SLC30A8: variants seen among roughly 807,000 people sequenced by gnomAD.
SLC30A8 encodes the protein proton-coupled zinc antiporter SLC30A8.
SLC30A8 carries 27 observed loss-of-function variants against 36.9 expected under a neutral mutation model. The observed-to-expected ratio is 0.73, with a 90% CI of 0.54 to 1.01. The LOEUF is 1.01. Ranked by LOEUF, SLC30A8 falls within the 50% of genes least tolerant of loss-of-function variation. The pLI, the probability that SLC30A8 is intolerant of heterozygous loss-of-function variation, is 0.00. For missense variants in SLC30A8, 439 were observed against 452.0 expected (o/e 0.97, Z 0.26); for synonymous variants, 164 against 172.4 (o/e 0.95, Z 0.38).
intron 1 of SLC30A8, among the ~76,000 whole-genome samples, chr8:117,000,925 T>G (rs2130684857): frequency 6.6e-6 from 1 of 152,352 alleles, no homozygotes; most frequent in East Asian, 1.9e-4. Flanking sequence ...ATACCTAGTA[T>G]GTTAATGAGC....
At chr8:117,127,225 G>T (rs774767018) in intron 2 of SLC30A8, among the ~76,000 whole-genome samples, 5 of 123,262 alleles carry the variant, frequency 4.1e-5, no homozygotes, top group African/African-American at 8.5e-5. Context: ...GAAGTCTCAT[G>T]TGGAAGTTCT....
At chr8:117,120,851 T>C (rs1002694926) in intron 2 of SLC30A8, among the ~76,000 whole-genome samples, 2 of 151,680 alleles carry the variant, frequency 1.3e-5, no homozygotes, top group Admixed American at 6.6e-5. Context: ...CAAAAAAATA[T>C]ATTCAAAGGG....
chr8:116,970,814 G>A lies in SLC30A8; in HGVS notation c.-266+19695G>A, dbSNP rs558183759. Among the ~76,000 whole-genome samples the A allele has an allele frequency of 2.5e-4, 38 of 152,260 alleles. No individual in the cohort carries two copies. The South Asian group carries it at 7.9e-3, about 32-fold the overall frequency. The stretch of plus-strand genomic sequence containing the variant: ...TTACTGATTATATTATGAAAATAAG[G>A]CCGGGGGTGGTGGCTCACACCAATA... On this transcript the variant is annotated intron_variant, in intron 1 of 10. Transcript: ENST00000427715.
At chr8:117,021,905 G>A (rs983326917) in intron 1 of SLC30A8, among the ~76,000 whole-genome samples, 1 of 152,060 alleles carries the variant, frequency 6.6e-6, no homozygotes, top group East Asian at 1.9e-4. Flanking sequence ...AGAGTAATGG[G>A]GAAACATGAC....
intron 2 of SLC30A8, among the ~76,000 whole-genome samples, chr8:117,084,475 A>G (rs1344306339): frequency 6.6e-6 from 1 of 152,204 alleles, no homozygotes; most frequent in East Asian, 1.9e-4. Context: ...TGTTCCAGAA[A>G]GATGCAACCA....
intron 2 of SLC30A8, among the ~76,000 whole-genome samples, chr8:117,129,122 CA>C (rs1821030805): frequency 6.6e-6 from 1 of 151,928 alleles, no homozygotes; most frequent in Non-Finnish European, 1.5e-5. Flanking sequence ...ATCTACCCAG[CA>C]AGGAGTTTCA....
upstream of SLC30A8, among the ~76,000 whole-genome samples, chr8:117,134,526 C>T (rs549075275): frequency 8.6e-5 from 13 of 152,010 alleles, no homozygotes; most frequent in South Asian, 1.9e-3. Flanking sequence ...CTTCCTTCCT[C>T]GGAGCTGGAA....
At chr8:117,061,621 T>A (rs1402959741) in intron 2 of SLC30A8, among the ~76,000 whole-genome samples, 3 of 152,224 alleles carry the variant, frequency 2.0e-5, no homozygotes, top group Admixed American at 6.5e-5. Context: ...AATGACCTTC[T>A]TCTAGTTTGT....
At position 117,081,316 on chromosome 8, in the gene SLC30A8, T is replaced by C. The variant is rs3019889; in HGVS notation, c.-226+42058T>C. 0.013 allele frequency among the ~76,000 whole-genome samples: 2,018 copies of C among 152,230 alleles called. 107 individuals carry two copies. The East Asian group carries it at 0.18, about 13-fold the overall frequency. ...AGCTCTGGAGGTTGCAAGACCAAGATCAAAGCGTGGGCAGATTTGGTTTTT... is the reference window on the plus strand; with the variant it reads ...AGCTCTGGAGGTTGCAAGACCAAGACCAAAGCGTGGGCAGATTTGGTTTTT... On this transcript the variant is annotated intron_variant, in intron 2 of 10. Coordinates refer to the SLC30A8 transcript ENST00000427715.
intron 1 of SLC30A8, among the ~76,000 whole-genome samples, chr8:116,964,655 G>A (rs1364250582): frequency 1.3e-5 from 2 of 152,132 alleles, no homozygotes; most frequent in East Asian, 3.9e-4. Context: ...GTGCCAAAAT[G>A]AGCTCACACA....
At chr8:116,964,819 T>G (rs1814544419) in intron 1 of SLC30A8, among the ~76,000 whole-genome samples, 1 of 152,264 alleles carries the variant, frequency 6.6e-6, no homozygotes, top group Admixed American at 6.5e-5. Flanking sequence ...CCTGACTCAG[T>G]AAACACTTGG....
At chr8:117,086,158 C>T (rs375899827) in intron 2 of SLC30A8, among the ~76,000 whole-genome samples, 19 of 152,256 alleles carry the variant, frequency 1.2e-4, no homozygotes, top group South Asian at 6.2e-4. Flanking sequence ...TATTGACTGA[C>T]GACTACAGAA....
rs1157725123 is a variant in SLC30A8 at position 117,172,686 on chromosome 8, G to T, written c.*5G>T. 6.2e-7 allele frequency: 1 copy of T among 1,613,186 alleles called. No individual in the cohort carries two copies. Among genetic ancestry groups the T allele is most frequent in the African/African-American group, 1.3e-5 (1 of 74,862 alleles). Reference sequence around the variant, plus strand: ...TGTGAAGACCCCTGTGACTAGCTCAGTCACACCGTCAGTTTCCCAAATTTG... The same window carrying T: ...TGTGAAGACCCCTGTGACTAGCTCATTCACACCGTCAGTTTCCCAAATTTG... On this transcript the variant is annotated 3_prime_UTR_variant, in exon 8 of 8. Transcript: ENST00000456015.
chr8:117,034,566 A>G (rs1300698667), intron 1 of SLC30A8, among the ~76,000 whole-genome samples: 2 of 152,218 alleles, frequency 1.3e-5, no homozygotes, highest in South Asian at 4.1e-4. Flanking sequence ...CTTACCCAAC[A>G]TAGCACAACT....
intron 2 of SLC30A8, among the ~76,000 whole-genome samples, chr8:117,118,197 A>G (rs1242938958): frequency 1.3e-5 from 2 of 150,982 alleles, no homozygotes; most frequent in African/African-American, 4.9e-5. Context: ...AAAAAAACCA[A>G]AAAACAAAAA....
upstream of SLC30A8, among the ~76,000 whole-genome samples, chr8:117,131,852 C>T (rs1821151868): frequency 1.3e-5 from 2 of 151,880 alleles, no homozygotes; most frequent in Admixed American, 1.3e-4. Flanking sequence ...AAGATGGATT[C>T]GATTAATACT....
chr8:117,176,677 T>TA lies in SLC30A8; in HGVS notation c.*3998dup, dbSNP rs1823711894. On this transcript the variant is annotated 3_prime_UTR_variant, in exon 8 of 8. Transcript: ENST00000456015. ...CTGTTTAAATTCTATTTTAAAATGT[T>TA]AATGTGTGTTGTTTAAAATAAAATC... The TA allele has an allele frequency of 6.6e-6, 1 of 152,534 alleles. No homozygotes were observed. Among genetic ancestry groups the TA allele is most frequent in the Non-Finnish European group, 1.5e-5 (1 of 67,994 alleles). The allele number at this position is 152,534 out of a possible 1,614,324, so 9.4% of individuals were successfully genotyped here.
intron 1 of SLC30A8, among the ~76,000 whole-genome samples, chr8:116,975,051 G>T (rs911024797): frequency 1.8e-5 from 2 of 109,760 alleles, no homozygotes; most frequent in Non-Finnish European, 1.8e-5. Flanking sequence ...GGGGGAGGGG[G>T]GAGGGATAGC....
At chr8:117,041,007 G>C (rs1394872) in intron 2 of SLC30A8, among the ~76,000 whole-genome samples, 53,587 of 151,944 alleles carry the variant, frequency 0.35, 12,453 homozygotes, top group African/African-American at 0.67. Context: ...ACCCAAGGGA[G>C]ATAAACTGAG....
Sources: allele counts gnomAD v4.1 joint callset (sites outside exome capture counted in the v4.1 genomes callset), GRCh38; gene constraint gnomAD v4.1.1; transcripts MANE v1.5; gene names NCBI Gene and HGNC (gene_info 2026-07-23, HGNC 2026-07-21).